Variants in KCNIP4 observed in about 807,000 individuals in gnomAD.
The protein encoded by KCNIP4 is potassium voltage-gated channel interacting protein 4, also known as Kv channel-interacting protein 4.
KCNIP4 carries 12 observed loss-of-function variants against 34.0 expected under a neutral mutation model. The ratio of observed to expected loss-of-function variants is 0.35; its 90% confidence interval spans 0.23 to 0.57. The LOEUF (loss-of-function observed/expected upper bound fraction) is 0.57, where lower values mean the gene tolerates loss of function less well. KCNIP4 is among the 20% of genes least tolerant of loss of function. The pLI is 0.83. For missense variants in KCNIP4, 238 were observed against 311.7 expected (o/e 0.76, Z 1.78); for synonymous variants, 124 against 102.2 (o/e 1.21, Z -1.29).
At chr4:20,787,871 C>A (rs1712211607) in intron 3 of KCNIP4, among the ~76,000 whole-genome samples, 2 of 151,908 alleles carry the variant, frequency 1.3e-5, no homozygotes, top group Admixed American at 1.3e-4. Context: ...TTCTTTATAA[C>A]TGTCTGAGTG....
At chr4:21,601,054 T>A (rs1330203510) in intron 1 of KCNIP4, among the ~76,000 whole-genome samples, 1 of 151,570 alleles carries the variant, frequency 6.6e-6, no homozygotes, top group African/African-American at 2.4e-5. Context: ...TCATCCTAGA[T>A]CCCTTTATGC....
intron 3 of KCNIP4, among the ~76,000 whole-genome samples, chr4:20,838,296 A>T (rs1719312815): frequency 6.6e-6 from 1 of 152,206 alleles, no homozygotes; most frequent in Admixed American, 6.5e-5. Flanking sequence ...AGTTTGAAGT[A>T]CATCAGTTCA....
intron 1 of KCNIP4, among the ~76,000 whole-genome samples, chr4:21,740,141 C>T (rs895113587): frequency 2.6e-5 from 4 of 151,864 alleles, no homozygotes; most frequent in African/African-American, 9.7e-5. Context: ...CACATGAATA[C>T]CTACATAAGA....
chr4:21,117,154 T>C (rs1431108366), intron 1 of KCNIP4, among the ~76,000 whole-genome samples: 4 of 152,082 alleles, frequency 2.6e-5, no homozygotes, highest in Admixed American at 2.6e-4. Context: ...TTAATAAGCA[T>C]GGTTGCTAGG....
At chr4:20,833,422 T>C (rs1405050179) in intron 3 of KCNIP4, among the ~76,000 whole-genome samples, 4 of 152,134 alleles carry the variant, frequency 2.6e-5, no homozygotes, top group Middle Eastern at 3.4e-3. Flanking sequence ...GAGGCGGAGA[T>C]TGCAGTGCGC....
At chr4:21,672,124 G>A (rs1257550150) in intron 1 of KCNIP4, among the ~76,000 whole-genome samples, 1 of 152,144 alleles carries the variant, frequency 6.6e-6, no homozygotes, top group Non-Finnish European at 1.5e-5. Context: ...ACACACCGGG[G>A]CCTGTCGGGA....
At chr4:21,572,528 G>A (rs886953181) in intron 1 of KCNIP4, among the ~76,000 whole-genome samples, 1 of 151,934 alleles carries the variant, frequency 6.6e-6, no homozygotes, top group African/African-American at 2.4e-5. Flanking sequence ...CCTAATTCAT[G>A]CAGTCACTTA....
At chr4:21,499,974 G>T (rs1017616838) in intron 1 of KCNIP4, among the ~76,000 whole-genome samples, 4 of 152,036 alleles carry the variant, frequency 2.6e-5, no homozygotes, top group African/African-American at 9.7e-5. Context: ...TTTAGAAAAT[G>T]AAGCATCCAG....
intron 1 of KCNIP4, among the ~76,000 whole-genome samples, chr4:21,704,227 G>GA (rs569058909): frequency 6.7e-5 from 10 of 150,222 alleles, no homozygotes; most frequent in East Asian, 1.9e-4. Context: ...TAAAGTTTTA[G>GA]AAAAAAAAAG....
At chr4:21,032,519 T>C (rs978836081) in intron 1 of KCNIP4, among the ~76,000 whole-genome samples, 1 of 152,154 alleles carries the variant, frequency 6.6e-6, no homozygotes, top group African/African-American at 2.4e-5. Flanking sequence ...CTTGATGTTA[T>C]TCAAGGAATA....
At chr4:21,233,991 A>T (rs13112479) in intron 1 of KCNIP4, among the ~76,000 whole-genome samples, 1 of 118,970 alleles carries the variant, frequency 8.4e-6, no homozygotes, top group African/African-American at 3.4e-5. Flanking sequence ...ATAACATATA[A>T]CATGTATAAT....
chr4:21,917,509 A>G (rs1032154922), intron 1 of KCNIP4, among the ~76,000 whole-genome samples: 2 of 152,128 alleles, frequency 1.3e-5, no homozygotes, highest in African/African-American at 4.8e-5. Context: ...TATCAATGCC[A>G]TTTTTCAAAT....
chr4:21,468,985 T>C (rs778646760), intron 1 of KCNIP4, among the ~76,000 whole-genome samples: 3 of 152,134 alleles, frequency 2.0e-5, no homozygotes, highest in East Asian at 1.9e-4. Context: ...TTAAAACACA[T>C]ACAAACAGAA....
chr4:21,874,689 C>A (rs909460682), intron 1 of KCNIP4, among the ~76,000 whole-genome samples: 1 of 152,186 alleles, frequency 6.6e-6, no homozygotes, highest in Non-Finnish European at 1.5e-5. Context: ...TTTTTACCCA[C>A]AAATTGGTAA....
At chr4:21,493,300 C>T (rs1732564967) in intron 1 of KCNIP4, among the ~76,000 whole-genome samples, 1 of 152,020 alleles carries the variant, frequency 6.6e-6, no homozygotes, top group African/African-American at 2.4e-5. Flanking sequence ...GCTGAAGTGC[C>T]ATTAGGTGTG....
At chr4:21,821,489 G>C (rs1722351659) in intron 1 of KCNIP4, among the ~76,000 whole-genome samples, 1 of 152,142 alleles carries the variant, frequency 6.6e-6, no homozygotes, top group South Asian at 2.1e-4. Context: ...AGTTGAAATT[G>C]AGCAGGGAAA....
At chr4:21,287,682 T>C (rs1390608313) in intron 1 of KCNIP4, among the ~76,000 whole-genome samples, 2 of 152,154 alleles carry the variant, frequency 1.3e-5, no homozygotes, top group Non-Finnish European at 2.9e-5. Flanking sequence ...ATACTACTTA[T>C]GACTCCCACA....
At chr4:21,568,734 T>G (rs1428681907) in intron 1 of KCNIP4, among the ~76,000 whole-genome samples, 1 of 152,102 alleles carries the variant, frequency 6.6e-6, no homozygotes. Context: ...GACTGCACTA[T>G]GGGCTTCCCA....
chr4:21,250,871 T>C (rs1760649059), intron 1 of KCNIP4, among the ~76,000 whole-genome samples: 1 of 150,408 alleles, frequency 6.6e-6, no homozygotes, highest in Non-Finnish European at 1.5e-5. Context: ...TAGTAAAATA[T>C]ATGTAATATA....
Sources: gnomAD v4.1 joint callset for allele counts (sites outside exome capture counted in the v4.1 genomes callset) on GRCh38, gnomAD v4.1.1 for gene constraint, MANE v1.5 for transcripts, NCBI Gene and HGNC (gene_info 2026-07-23, HGNC 2026-07-21) for gene names.